WFS1: variants seen among roughly 807,000 people sequenced by gnomAD.
WFS1 encodes the protein wolframin.
WFS1 carries 90 observed loss-of-function variants against 68.5 expected under a neutral mutation model. The ratio of observed to expected loss-of-function variants is 1.31; its 90% CI spans 1.11 to 1.56. The LOEUF (loss-of-function observed/expected upper bound fraction) is 1.56. Ranked by LOEUF, WFS1 falls within the 40% of genes most tolerant of loss-of-function variation. The pLI is 0.00. For missense variants in WFS1, 1,767 were observed against 1,232.6 expected, an observed-to-expected ratio of 1.43 and a Z score of -6.49; for synonymous variants, 860 against 540.7, an observed-to-expected ratio of 1.59 and a Z score of -8.19.
intron 7 of WFS1, among the ~76,000 whole-genome samples, chr4:6,297,706 G>A (rs1730675151): frequency 6.6e-6 from 1 of 152,156 alleles, no homozygotes; most frequent in African/African-American, 2.4e-5. Flanking sequence ...AGAGAGCTCT[G>A]CAGTGTTCTA....
intron 2 of WFS1, among the ~76,000 whole-genome samples, chr4:6,285,560 G>A (rs1201130201): frequency 6.6e-6 from 1 of 152,172 alleles, no homozygotes; most frequent in Admixed American, 6.5e-5. Context: ...ACCTGTGAGG[G>A]CCTCACCTGC....
At chr4:6,279,756 C>CA (rs1292742607) in intron 2 of WFS1, among the ~76,000 whole-genome samples, 1 of 152,218 alleles carries the variant, frequency 6.6e-6, no homozygotes, top group African/African-American at 2.4e-5. Context: ...GGTCACTCTT[C>CA]AGGGCATCAG....
rs141225426 is a variant in WFS1, at chr4:6,289,021, C to T, written c.350C>T (p.Thr117Met). The T allele has an allele frequency of 5.0e-4, 811 of 1,607,986 alleles. 6 individuals are homozygous for T. In the African/African-American group the frequency reaches 8.7e-3, roughly 17 times the overall value. The change falls in exon 4 of 8, where the codon ACG becomes ATG. Residue 117 changes from threonine to methionine, a missense_variant. Transcript: ENST00000226760. Reference sequence around the variant, plus strand: ...CACTACCTGCAGTTGGCCGGCGACACGGATGAAGAACTCAACAGCTGCACC... The same window carrying T: ...CACTACCTGCAGTTGGCCGGCGACATGGATGAAGAACTCAACAGCTGCACC... ...GKHYLQLAGD[T>M]DEELNSCTAV...
At chr4:6,270,728 T>G (rs1259941327) in intron 1 of WFS1, among the ~76,000 whole-genome samples, 1 of 152,256 alleles carries the variant, frequency 6.6e-6, no homozygotes, top group East Asian at 1.9e-4. Flanking sequence ...TTGGATGTGA[T>G]GGCGCCCTGG....
At chr4:6,300,594 C>A in intron 7 of WFS1, 63 bp from the exon 8 acceptor site, 1 of 1,607,256 alleles carries the variant, frequency 6.2e-7, no homozygotes, top group Non-Finnish European at 8.5e-7. Context: ...CAGAGGGAGG[C>A]GTGAGATGGG....
rs1295409365 is a variant in WFS1 at position 6,291,484 on chromosome 4, C to T, written c.631+117C>T. On this transcript the variant is annotated intron_variant, in intron 5 of 7. Coordinates refer to ENST00000226760, the MANE Select transcript of WFS1 (RefSeq NM_006005.3). Reference sequence around the variant, plus strand: ...CAGGGGCTGGGTCTTCCCACAGGAGCCGGGACCTTCCCTGTGAGGACAGGG... The same window carrying T: ...CAGGGGCTGGGTCTTCCCACAGGAGTCGGGACCTTCCCTGTGAGGACAGGG... 5.1e-6 allele frequency: 7 copies of T among 1,369,296 alleles called. No individual in the cohort carries two copies. The East Asian group carries it at 1.8e-4, about 35-fold the overall frequency. 84.8% of individuals were successfully genotyped at this position (1,369,296 alleles called of 1,614,324 possible).
At position 6,301,814 on chromosome 4, in the gene WFS1, C is replaced by T. The variant is rs71524375; in HGVS notation, c.2019C>T (p.Cys673=). The change falls in exon 8 of 8, where the codon TGC becomes TGT. Residue 673 remains cysteine, a synonymous_variant. Coordinates refer to ENST00000226760, the MANE Select transcript of WFS1 (RefSeq NM_006005.3). ...CCTGGCAGCAGTATGGTGCGCTGTG[C>T]GGGCCACGCGCCTGGAAGGAGACCA... is the stretch of plus-strand genomic sequence containing the variant. ...TLTWQQYGAL[C]GPRAWKETNM... 3.2e-3 allele frequency: 5,232 copies of T among 1,613,024 alleles called. 136 individuals carry two copies. The African/African-American group carries it at 0.054, about 17-fold the overall frequency.
In WFS1 at chr4:6,282,305, G is replaced by A. The variant is rs146798980; in HGVS notation, c.232+4618G>A. Among the ~76,000 whole-genome samples the A allele has an allele frequency of 1.2e-3, 186 of 152,358 alleles. 5 individuals carry two copies. The East Asian group carries it at 0.034, about 28-fold the overall frequency. On this transcript the variant is annotated intron_variant, in intron 2 of 7. Coordinates refer to ENST00000226760, the MANE Select transcript of WFS1 (RefSeq NM_006005.3). ...AGCTTCCCCATGTGGGGGATGCGCC[G>A]GTGGTGCAAGGCCACCACCCTGTGC... is the stretch of plus-strand genomic sequence containing the variant.
Position 6,301,345 on chromosome 4 carries a change from G to A in WFS1, c.1550G>A (p.Arg517His), listed in dbSNP as rs150394063. ...GTCTACCTGCTCTATCTCTTCTTCC[G>A]CATGGCACAGCTGAGGAATTTCAAG... Reference protein sequence around the residue: ...LYVYLLYLFFRMAQLRNFKGT... With the variant: ...LYVYLLYLFFHMAQLRNFKGT... The change falls in exon 8 of 8, where the codon CGC (arginine) becomes CAC (histidine). Residue 517 changes from arginine (R) to histidine (H), a missense_variant. Coordinates refer to ENST00000226760, the MANE Select transcript of WFS1 (RefSeq NM_006005.3). 35 of 1,612,016 alleles carry A rather than the reference G, an allele frequency of 2.2e-5. No homozygotes were observed. Among genetic ancestry groups the A allele is most frequent in the Middle Eastern group, 1.6e-4 (1 of 6,062 alleles).
chr4:6,277,335 TG>T, intron 1 of WFS1, 115 bp from the exon 2 acceptor site: 1 of 964,258 alleles, frequency 1.0e-6, no homozygotes, highest in Non-Finnish European at 1.6e-6. Flanking sequence ...AGATCCTGTA[TG>T]GAGTGTCTGG....
chr4:6,299,910 TGTG>T (rs1257036081), intron 7 of WFS1, among the ~76,000 whole-genome samples: 1 of 125,168 alleles, frequency 8.0e-6, no homozygotes, highest in Non-Finnish European at 1.7e-5. Flanking sequence ...GTTGTGTGTG[TGTG>T]TATGGGGTGG....
rs1553879087 is a variant in WFS1, at chr4:6,302,395, G to A, written c.2600G>A (p.Trp867Ter). 6.2e-7 allele frequency: 1 copy of A among 1,613,084 alleles called. No homozygotes were observed. Among genetic ancestry groups the A allele is most frequent in the East Asian group, 2.2e-5 (1 of 44,882 alleles). Residue 867 changes from tryptophan (W) to a stop codon, truncating the protein, a stop_gained, in exon 8 of 8, where the codon TGG becomes TAG. Coordinates refer to ENST00000226760, the MANE Select transcript of WFS1 (RefSeq NM_006005.3). LOFTEE classifies it high-confidence loss of function. ...CGGCACGTGAAGATCGAGCACGACT[G>A]GCGCAGCACCGTGCATGGCGCCGTG... ...TRRHVKIEHDWRSTVHGAVKF... is the reference protein window; with the variant it reads ...TRRHVKIEHD
At chr4:6,295,704 T>C (rs1730620144) in intron 7 of WFS1, among the ~76,000 whole-genome samples, 3 of 152,330 alleles carry the variant, frequency 2.0e-5, no homozygotes, top group African/African-American at 7.2e-5. Context: ...GTGACACTTG[T>C]GCAGGGTGCC....
intron 1 of WFS1, among the ~76,000 whole-genome samples, chr4:6,273,283 G>T (rs1729890332): frequency 6.6e-6 from 1 of 152,240 alleles, no homozygotes; most frequent in Admixed American, 6.5e-5. Flanking sequence ...CTTGGTGCCG[G>T]TGTTTGTGTT....
rs1445677249 is a variant in WFS1, at chr4:6,289,019, C to T, written c.348C>T (p.Asp116=). The part of the protein sequence containing the change: ...VGKHYLQLAG[D]TDEELNSCTA... Reference sequence around the variant, plus strand: ...AGCACTACCTGCAGTTGGCCGGCGACACGGATGAAGAACTCAACAGCTGCA... The same window carrying T: ...AGCACTACCTGCAGTTGGCCGGCGATACGGATGAAGAACTCAACAGCTGCA... The change falls in exon 4 of 8, where the codon GAC becomes GAT. Residue 116 remains aspartate (D), a synonymous_variant. Transcript: ENST00000226760. The T allele has an allele frequency of 6.2e-7, 1 of 1,608,340 alleles. No homozygotes were observed. The highest frequency in any genetic ancestry group is 1.1e-5 in the South Asian group (1 of 89,536).
In WFS1 at chr4:6,302,202, G is replaced by A. The variant is rs745988826; in HGVS notation, c.2407G>A (p.Val803Met). 2.1e-5 allele frequency: 34 copies of A among 1,611,610 alleles called. No homozygotes were observed. Among genetic ancestry groups the A allele is most frequent in the Non-Finnish European group, 2.5e-5 (30 of 1,179,286 alleles). ...REEDDVTKDI[V>M]LRASSEFKSV... ...GGAGGACGACGTCACCAAGGACATC[G>A]TGCTGCGGGCCAGCAGCGAGTTCAA... The change falls in exon 8 of 8, where the codon GTG becomes ATG. Residue 803 changes from valine (V) to methionine (M), a missense_variant. Coordinates refer to ENST00000226760, the MANE Select transcript of WFS1 (RefSeq NM_006005.3).
At chr4:6,295,311 A>G in intron 7 of WFS1, 122 bp downstream of exon 7, 1 of 1,207,764 alleles carries the variant, frequency 8.3e-7, no homozygotes, top group Non-Finnish European at 1.2e-6. Flanking sequence ...AGTGTCTTAC[A>G]GCCGTGCCGC....
chr4:6,271,581 C>T (rs924200492), intron 1 of WFS1, among the ~76,000 whole-genome samples: 5 of 152,202 alleles, frequency 3.3e-5, no homozygotes, highest in Admixed American at 2.6e-4. Flanking sequence ...TCCCTACTTC[C>T]GGAAGTGGTA....
chr4:6,299,983 A>ACGGG (rs1370890163), intron 7 of WFS1, among the ~76,000 whole-genome samples: 7 of 151,252 alleles, frequency 4.6e-5, no homozygotes, highest in Admixed American at 2.0e-4. Flanking sequence ...ACGTGTGTGT[A>ACGGG]CGGGCAGAAG....
Sources: allele counts gnomAD v4.1 joint callset (sites outside exome capture counted in the v4.1 genomes callset), GRCh38; gene constraint gnomAD v4.1.1; transcripts MANE v1.5; gene names NCBI Gene and HGNC (gene_info 2026-07-23, HGNC 2026-07-21).